KANSL1: variants seen among roughly 807,000 people sequenced by gnomAD.
KANSL1 encodes the protein KAT8 regulatory NSL complex subunit 1, also known as MLL1/MLL complex subunit KANSL1.
Under a neutral mutation model 103.6 loss-of-function variants are expected in KANSL1, and 22 were observed. The ratio of observed to expected loss-of-function variants is 0.21; its 90% CI spans 0.15 to 0.30. The LOEUF (loss-of-function observed/expected upper bound fraction) is 0.30. Ranked by LOEUF, KANSL1 falls within the 10% of genes least tolerant of loss-of-function variation. The pLI, the probability that KANSL1 is intolerant of heterozygous loss-of-function variation, is 1.00. For synonymous variants in KANSL1, 600 were observed against 527.6 expected (o/e 1.14, Z -1.88); for missense variants, 1,337 against 1,399.8 (o/e 0.96, Z 0.72).
At chr17:46,047,980 T>A (rs551604288) in intron 7 of KANSL1, among the ~76,000 whole-genome samples, 1 of 149,652 alleles carries the variant, frequency 6.7e-6, no homozygotes, top group South Asian at 2.1e-4. Flanking sequence ...CAATCATGGC[T>A]CACTGCGGCC....
intron 1 of KANSL1, among the ~76,000 whole-genome samples, chr17:46,190,436 A>T (rs1160939043): frequency 2.6e-5 from 3 of 115,686 alleles, no homozygotes; most frequent in Non-Finnish European, 6.9e-5. Flanking sequence ...TCAAATACGA[A>T]TGTTCTGAAC....
At chr17:46,039,388 G>A in intron 8 of KANSL1, 173 bp from the exon 9 acceptor site, 1 of 635,430 alleles carries the variant, frequency 1.6e-6, no homozygotes. Flanking sequence ...ATAGGCACAG[G>A]GAGCCCAGAA....
At chr17:46,159,960 A>C (rs569120820) in intron 2 of KANSL1, among the ~76,000 whole-genome samples, 62 of 152,354 alleles carry the variant, frequency 4.1e-4, no homozygotes, top group Non-Finnish European at 6.9e-4. Flanking sequence ...GAGTTACAGC[A>C]AACAGCAAAG....
At chr17:46,092,715 T>TTG (rs1568438853) in intron 3 of KANSL1, among the ~76,000 whole-genome samples, 110 of 21,600 alleles carry the variant, frequency 5.1e-3, no homozygotes, top group Non-Finnish European at 6.6e-3. Flanking sequence ...TTTTTTTTTT[T>TTG]GGGGGGGGGG....
intron 2 of KANSL1, among the ~76,000 whole-genome samples, chr17:46,125,427 G>A (rs2043508999): frequency 6.6e-6 from 1 of 152,118 alleles, no homozygotes; most frequent in Admixed American, 6.5e-5. Flanking sequence ...TCACTTTATT[G>A]CAGTACTGTG....
chr17:46,069,723 A>AAG (rs929822964), intron 4 of KANSL1, among the ~76,000 whole-genome samples: 26 of 151,630 alleles, frequency 1.7e-4, no homozygotes, highest in South Asian at 1.3e-3. Context: ...CAGCCTGGGA[A>AAG]AGAGAGAGAG....
chr17:46,116,311 A>G (rs2043044588), intron 2 of KANSL1, among the ~76,000 whole-genome samples: 1 of 152,236 alleles, frequency 6.6e-6, no homozygotes, highest in Non-Finnish European at 1.5e-5. Context: ...CAGGCGGATC[A>G]CGAGGTCAGA....
intron 3 of KANSL1, chr17:46,093,067 T>A (rs769371100): frequency 6.6e-6 from 1 of 152,202 alleles, no homozygotes; most frequent in Non-Finnish European, 1.5e-5. Context: ...ACTACTATTA[T>A]ACTAATCTCA....
At chr17:46,217,772 C>A (rs2048386965) in intron 1 of KANSL1, among the ~76,000 whole-genome samples, 2 of 152,178 alleles carry the variant, frequency 1.3e-5, no homozygotes, top group Non-Finnish European at 2.9e-5. Flanking sequence ...TGCCTGTAAT[C>A]CCAGCACTTT....
intron 2 of KANSL1, among the ~76,000 whole-genome samples, chr17:46,121,494 G>C (rs918925136): frequency 6.6e-6 from 1 of 152,180 alleles, no homozygotes; most frequent in Non-Finnish European, 1.5e-5. Context: ...TCACACAGCT[G>C]ACTTCACATC....
In KANSL1 at chr17:46,059,665, G is replaced by GAGAGAGAGAA. The variant is rs1408717499; in HGVS notation, c.1848+6871_1848+6872insTTCTCTCTCT. ...AAAAAAAAAGAGAGAGAGAGAGAGA[G>GAGAGAGAGAA]AAAAGGAAACTGATCAACACATGTT... On this transcript the variant is annotated intron_variant, in intron 6 of 14. Coordinates refer to ENST00000432791, the MANE Select transcript of KANSL1 (RefSeq NM_015443.4). Among the ~76,000 whole-genome samples, 7 of 143,398 alleles carry GAGAGAGAGAA rather than the reference G, an allele frequency of 4.9e-5. No individual in the cohort carries two copies. The East Asian group carries it at 1.4e-3, about 30-fold the overall frequency. The allele number at this position is 143,398 out of a possible 152,430, so 94.1% of individuals were successfully genotyped here.
chr17:46,216,882 G>T (rs1405345596), intron 1 of KANSL1, among the ~76,000 whole-genome samples: 1 of 152,126 alleles, frequency 6.6e-6, no homozygotes, highest in Non-Finnish European at 1.5e-5. Flanking sequence ...AAGGCCACAG[G>T]ATCGCTTGAG....
chr17:46,185,692 T>TATATACACAC (rs754864409), intron 1 of KANSL1, among the ~76,000 whole-genome samples: 2 of 144,410 alleles, frequency 1.4e-5, no homozygotes, highest in African/African-American at 5.4e-5. Flanking sequence ...CACACATATA[T>TATATACACAC]ACACACACAC....
chr17:46,058,099 C>T (rs1308062242), intron 6 of KANSL1, among the ~76,000 whole-genome samples: 1 of 152,088 alleles, frequency 6.6e-6, no homozygotes, highest in African/African-American at 2.4e-5. Flanking sequence ...AATTCAGAGA[C>T]TAAGGAAACT....
intron 2 of KANSL1, among the ~76,000 whole-genome samples, chr17:46,165,118 TACATACAA>T (rs2045929511): frequency 1.3e-5 from 2 of 152,212 alleles, no homozygotes; most frequent in Non-Finnish European, 2.9e-5. Context: ...AATATATACA[TACATACAA>T]ACATACATAA....
chr17:46,158,417 G>A (rs1322474710), intron 2 of KANSL1, among the ~76,000 whole-genome samples: 1 of 151,174 alleles, frequency 6.6e-6, no homozygotes, highest in Non-Finnish European at 1.5e-5. Context: ...GGAGTGCGGT[G>A]GCACGATCGA....
At chr17:46,114,891 T>G (rs2042976724) in intron 2 of KANSL1, among the ~76,000 whole-genome samples, 1 of 152,230 alleles carries the variant, frequency 6.6e-6, no homozygotes, top group South Asian at 2.1e-4. Context: ...GGATTCTGTT[T>G]AGATGAGGTT....
chr17:46,038,817 G>T, intron 9 of KANSL1, 131 bp from the exon 10 acceptor site: 1 of 1,276,654 alleles, frequency 7.8e-7, no homozygotes, highest in Non-Finnish European at 1.1e-6. Context: ...ATAAAAAGGT[G>T]AAGCACACTA....
At chr17:46,057,136 C>T (rs2077961748) in intron 6 of KANSL1, among the ~76,000 whole-genome samples, 1 of 152,110 alleles carries the variant, frequency 6.6e-6, no homozygotes, top group East Asian at 1.9e-4. Flanking sequence ...ATAGTAAGAA[C>T]AAAGCTCTCA....
Sources: allele counts gnomAD v4.1 joint callset (sites outside exome capture counted in the v4.1 genomes callset), GRCh38; gene constraint gnomAD v4.1.1; transcripts MANE v1.5; gene names NCBI Gene and HGNC (gene_info 2026-07-23, HGNC 2026-07-21).